The following USP32 variants were observed in gnomAD, a reference collection of about 807,000 sequenced individuals.
USP32 encodes ubiquitin carboxyl-terminal hydrolase 32.
In USP32, 59 loss-of-function variants were observed where a neutral mutation model predicts 204.8. That is an observed-to-expected ratio of 0.29 (90% CI 0.23 to 0.36). The LOEUF (loss-of-function observed/expected upper bound fraction) is 0.36. Ranked by LOEUF, USP32 falls within the 10% of genes least tolerant of loss-of-function variation. The pLI, the probability that USP32 is intolerant of heterozygous loss-of-function variation, is 1.00. For synonymous variants in USP32, 517 were observed against 678.4 expected, an observed-to-expected ratio of 0.76 and a Z score of 3.70; for missense variants, 1,160 against 1,946.4, an observed-to-expected ratio of 0.60 and a Z score of 7.60.
chr17:60,296,833 T>G (rs1413745793), intron 3 of USP32, among the ~76,000 whole-genome samples: 1 of 151,452 alleles, frequency 6.6e-6, no homozygotes, highest in African/African-American at 2.4e-5. Context: ...AAAAAGAAAA[T>G]CCTAAGCACC....
intron 14 of USP32, 46 bp downstream of exon 14, chr17:60,223,365 T>C (rs2085304055): frequency 6.5e-7 from 1 of 1,533,258 alleles, no homozygotes; most frequent in Non-Finnish European, 8.9e-7. Context: ...AATTTATTAA[T>C]AGCTTGCAAG....
intron 27 of USP32, 142 bp downstream of exon 27, chr17:60,198,118 G>GT: frequency 8.9e-7 from 1 of 1,129,614 alleles, no homozygotes; most frequent in Non-Finnish European, 1.2e-6. Context: ...AAACCAAATG[G>GT]TTGAATTGTA....
intron 5 of USP32, among the ~76,000 whole-genome samples, chr17:60,285,437 C>T (rs1209084705): frequency 6.6e-6 from 1 of 152,098 alleles, no homozygotes; most frequent in African/African-American, 2.4e-5. Context: ...AATCTGTAGT[C>T]AAGTTATATG....
intron 16 of USP32, among the ~76,000 whole-genome samples, chr17:60,215,111 G>A (rs928904145): frequency 6.6e-6 from 1 of 152,050 alleles, no homozygotes; most frequent in East Asian, 1.9e-4. Flanking sequence ...GGTACTACAG[G>A]TGCACGCCAC....
intron 6 of USP32, among the ~76,000 whole-genome samples, chr17:60,269,865 C>CA (rs982987146): frequency 2.7e-5 from 4 of 149,514 alleles, no homozygotes. Context: ...AATTAAAAAC[C>CA]AAAAAAAGGT....
chr17:60,329,441 T>C (rs1459786015), intron 2 of USP32, among the ~76,000 whole-genome samples: 2 of 151,830 alleles, frequency 1.3e-5, no homozygotes, highest in African/African-American at 4.8e-5. Flanking sequence ...TTACTAATAC[T>C]CTGCTTAAAT....
intron 2 of USP32, among the ~76,000 whole-genome samples, chr17:60,331,866 TCCAGCCTGGCCA>T (rs1386808828): frequency 6.8e-6 from 1 of 147,396 alleles, no homozygotes; most frequent in Non-Finnish European, 1.5e-5. Context: ...GCCACTGTAC[TCCAGCCTGGCCA>T]CCAGAGTAAG....
rs34842511 is a variant in USP32 at position 60,244,029 on chromosome 17, G to GTTTTTTTTTTTTT, written c.1137-7802_1137-7790dup. ...TTTGAATCTCAAGTAGCTGGATTGTGTTTTTTTTTTTTTTTTTTTTTTTTG... is the reference window on the plus strand; with the variant it reads ...TTTGAATCTCAAGTAGCTGGATTGTGTTTTTTTTTTTTTTTTTTTTTTTTTTTTTTTTTTTTTG... On this transcript the variant is annotated intron_variant, in intron 11 of 33. Transcript: ENST00000300896. 3.3e-4 allele frequency among the ~76,000 whole-genome samples: 24 copies of GTTTTTTTTTTTTT among 71,694 alleles called. 1 individual carries two copies. Among genetic ancestry groups the GTTTTTTTTTTTTT allele is most frequent in the African/African-American group, 1.4e-3 (20 of 14,182 alleles). The allele number at this position is 71,694 out of a possible 152,430, so 47.0% of individuals were successfully genotyped here.
At chr17:60,231,945 C>G (rs1345709441) in intron 12 of USP32, among the ~76,000 whole-genome samples, 1 of 152,114 alleles carries the variant, frequency 6.6e-6, no homozygotes, top group East Asian at 1.9e-4. Flanking sequence ...CTGGGGTTAG[C>G]CACTTCTAAG....
intron 12 of USP32, among the ~76,000 whole-genome samples, chr17:60,235,017 A>G (rs1195168023): frequency 6.6e-6 from 1 of 152,172 alleles, no homozygotes; most frequent in Non-Finnish European, 1.5e-5. Flanking sequence ...GCACAAAAGG[A>G]CTATGGTAGG....
chr17:60,216,903 T>C lies in USP32; in HGVS notation c.1868-2129A>G, dbSNP rs563830726. Among the ~76,000 whole-genome samples the C allele has an allele frequency of 2.0e-5, 3 of 152,018 alleles. No individual in the cohort carries two copies. The East Asian group carries it at 5.8e-4, about 29-fold the overall frequency. On this transcript the variant is annotated intron_variant, in intron 16 of 33. Coordinates refer to ENST00000300896, the MANE Select transcript of USP32 (RefSeq NM_032582.4). Reference sequence around the variant, plus strand: ...CTCCAATTATACATTTTAGGATTAGTTGTAAGATTACAGCAAGAAAGCATA... The same window carrying C: ...CTCCAATTATACATTTTAGGATTAGCTGTAAGATTACAGCAAGAAAGCATA...
chr17:60,264,209 C>G lies in USP32; in HGVS notation c.990+1203G>C, dbSNP rs148293377. 8.9e-3 allele frequency among the ~76,000 whole-genome samples: 1,357 copies of G among 152,034 alleles called. 6 individuals are homozygous for G. Among genetic ancestry groups the G allele is most frequent in the Non-Finnish European group, 0.013 (879 of 67,958 alleles). On this transcript the variant is annotated intron_variant, in intron 9 of 33. Transcript: ENST00000300896. ...ACCACTAAAGGACACAGGAGAGGTC[C>G]TTACCACAACCATTTAAAAAAATTT...
intron 9 of USP32, among the ~76,000 whole-genome samples, chr17:60,259,089 T>C (rs1400863119): frequency 6.6e-6 from 1 of 152,190 alleles, no homozygotes; most frequent in African/African-American, 2.4e-5. Flanking sequence ...CCAGCTAAAA[T>C]AGAATATAGC....
chr17:60,210,911 A>ACAT (rs756811011), intron 21 of USP32, 102 bp downstream of exon 21: 23 of 1,449,678 alleles, frequency 1.6e-5, no homozygotes, highest in Non-Finnish European at 2.1e-5. Context: ...GGATCCAAAA[A>ACAT]CATTTATTAA....
At chr17:60,332,464 A>G (rs2088412794) in intron 2 of USP32, among the ~76,000 whole-genome samples, 1 of 151,644 alleles carries the variant, frequency 6.6e-6, no homozygotes, top group African/African-American at 2.4e-5. Flanking sequence ...CCTGGCCAAC[A>G]TAGTGAAACC....
intron 1 of USP32, among the ~76,000 whole-genome samples, chr17:60,371,236 ACT>A (rs898679390): frequency 7.0e-5 from 10 of 142,896 alleles, no homozygotes; most frequent in East Asian, 2.0e-4. Context: ...ACAGGGGAAG[ACT>A]CTGTCTCTAA....
At chr17:60,208,615 T>C (rs758599023) in intron 23 of USP32, 39 bp downstream of exon 23, 1 of 1,462,270 alleles carries the variant, frequency 6.8e-7, no homozygotes, top group East Asian at 2.5e-5. Context: ...AAAGTAAATT[T>C]AATGGAGTCA....
chr17:60,179,570 T>G (rs1393606820), intron 33 of USP32, 142 bp from the exon 34 acceptor site: 2 of 1,062,318 alleles, frequency 1.9e-6, no homozygotes, highest in Non-Finnish European at 2.7e-6. Context: ...GTCTCACACC[T>G]GCCCCTTTAA....
chr17:60,385,838 CAAA>C, intron 1 of USP32, among the ~76,000 whole-genome samples: 1 of 99,342 alleles, frequency 1.0e-5, no homozygotes, highest in African/African-American at 3.6e-5. Context: ...GACTCTGTCT[CAAA>C]AAAAAAAAAA....
Sources: gnomAD v4.1 joint callset for allele counts (sites outside exome capture counted in the v4.1 genomes callset) on GRCh38, gnomAD v4.1.1 for gene constraint, MANE v1.5 for transcripts, NCBI Gene and HGNC (gene_info 2026-07-23, HGNC 2026-07-21) for gene names.